The following PARD3B variants were observed in gnomAD, a reference collection of about 807,000 sequenced individuals.
The protein encoded by PARD3B is par-3 family cell polarity regulator beta, also known as partitioning defective 3 homolog B.
Under a neutral mutation model 130.2 loss-of-function variants are expected in PARD3B, and 103 were observed. The observed-to-expected ratio is 0.79, with a 90% CI of 0.67 to 0.93. The LOEUF is 0.93. Among genes scored for constraint, PARD3B ranks in the 40% least tolerant of loss-of-function variants. PARD3B has a pLI of 0.00. For synonymous variants in PARD3B, 583 were observed against 553.2 expected (o/e 1.05, Z -0.76); for missense variants, 1,609 against 1,499.2 (o/e 1.07, Z -1.21).
chr2:205,069,147 T>C (rs943337249), intron 4 of PARD3B, among the ~76,000 whole-genome samples: 1 of 152,256 alleles, frequency 6.6e-6, no homozygotes, highest in Non-Finnish European at 1.5e-5. Flanking sequence ...TTTCATTTTC[T>C]GAGGTTTTAT....
intron 11 of PARD3B, among the ~76,000 whole-genome samples, chr2:205,166,003 C>T (rs1337488804): frequency 3.3e-5 from 5 of 151,942 alleles, no homozygotes; most frequent in South Asian, 2.1e-4. Flanking sequence ...AGCTTAGGTT[C>T]GTGACTCTCT....
At chr2:205,051,236 T>C (rs1699169923) in intron 4 of PARD3B, among the ~76,000 whole-genome samples, 1 of 152,186 alleles carries the variant, frequency 6.6e-6, no homozygotes, top group Admixed American at 6.6e-5. Flanking sequence ...ACACCATTCT[T>C]GATTCCTATG....
chr2:204,602,252 G>A (rs2033541851), intron 1 of PARD3B, among the ~76,000 whole-genome samples: 1 of 152,004 alleles, frequency 6.6e-6, no homozygotes, highest in Non-Finnish European at 1.5e-5. Flanking sequence ...ACAAGTATCA[G>A]ATGTTTCATT....
At chr2:204,547,379 C>T (rs556332506) in intron 1 of PARD3B, among the ~76,000 whole-genome samples, 1 of 152,166 alleles carries the variant, frequency 6.6e-6, no homozygotes, top group East Asian at 1.9e-4. Flanking sequence ...AATATAACCC[C>T]TAAAGATGAA....
chr2:205,216,503 C>T (rs2037918747), intron 15 of PARD3B, among the ~76,000 whole-genome samples: 3 of 151,962 alleles, frequency 2.0e-5, no homozygotes, highest in Admixed American at 2.0e-4. Context: ...ATGTATTACA[C>T]ATATAATAAA....
intron 16 of PARD3B, among the ~76,000 whole-genome samples, chr2:205,282,891 C>T (rs932560466): frequency 2.0e-5 from 3 of 152,170 alleles, no homozygotes; most frequent in African/African-American, 7.2e-5. Context: ...CCAATCAGGT[C>T]TGTTTATGCA....
At chr2:204,961,263 A>G (rs977889488) in intron 2 of PARD3B, among the ~76,000 whole-genome samples, 1 of 152,150 alleles carries the variant, frequency 6.6e-6, no homozygotes, top group East Asian at 1.9e-4. Context: ...GGGTAGAAAC[A>G]AGGGAACTAG....
In PARD3B at chr2:205,309,435, G is replaced by C. The variant is rs979459766; in HGVS notation, c.2630+7734G>C. Among the ~76,000 whole-genome samples the C allele has an allele frequency of 2.6e-5, 4 of 152,218 alleles. No homozygotes were observed. Among genetic ancestry groups the C allele is most frequent in the African/African-American group, 9.6e-5 (4 of 41,552 alleles). On this transcript the variant is annotated intron_variant, in intron 18 of 22. Coordinates refer to ENST00000406610, the MANE Select transcript of PARD3B (RefSeq NM_001302769.2). The surrounding 1 kb of genome is among the most constrained non-coding windows in gnomAD (Gnocchi z 4.7). ...AACAATCTAGAGGCATCAACTTTTT[G>C]TTCCTAAGCCTTACAGATTTTAAGG...
At chr2:204,879,202 A>G (rs2045951613) in intron 2 of PARD3B, among the ~76,000 whole-genome samples, 1 of 152,136 alleles carries the variant, frequency 6.6e-6, no homozygotes, top group Admixed American at 6.5e-5. Flanking sequence ...CATTTTTGTT[A>G]CTGGACAGGG....
rs572066679 is a variant in PARD3B, at chr2:205,426,810, T to C, written c.2742-13560T>C. 2.4e-4 allele frequency among the ~76,000 whole-genome samples: 37 copies of C among 152,262 alleles called. No individual in the cohort carries two copies. In the South Asian group the frequency reaches 7.7e-3, roughly 32 times the overall value. On this transcript the variant is annotated intron_variant, in intron 19 of 22. Transcript: ENST00000406610. ...GAAAATATGAAACACTAATCAATAATCATTTAATGAATCATAAAATGCAAA... is the reference window on the plus strand; with the variant it reads ...GAAAATATGAAACACTAATCAATAACCATTTAATGAATCATAAAATGCAAA...
rs1300055583 is a variant in PARD3B at position 205,089,086 on chromosome 2, C to A, written c.505-15340C>A. ...AACGTGCTGGGATTACAAGCATGAA[C>A]CACCATGCCCGGCCTGCAGTGAGGC... On this transcript the variant is annotated intron_variant, in intron 4 of 22. Coordinates refer to ENST00000406610, the MANE Select transcript of PARD3B (RefSeq NM_001302769.2). 2.0e-5 allele frequency among the ~76,000 whole-genome samples: 3 copies of A among 151,806 alleles called. No homozygotes were observed. In the South Asian group the frequency reaches 6.3e-4, roughly 32 times the overall value.
In PARD3B at chr2:205,281,347, C is replaced by A. The variant is rs773932809; in HGVS notation, c.2186-19183C>A. Among the ~76,000 whole-genome samples the A allele has an allele frequency of 5.3e-5, 8 of 152,098 alleles. No homozygotes were observed. Among genetic ancestry groups the A allele is most frequent in the Non-Finnish European group, 8.8e-5 (6 of 68,018 alleles). ...CAGGTAATCATAGAGCAAGGTGGAG[C>A]CAGGGACCAACTCGAGTGACCCATC... On this transcript the variant is annotated intron_variant, in intron 16 of 22. Coordinates refer to ENST00000406610, the MANE Select transcript of PARD3B (RefSeq NM_001302769.2). This position sits in a 1 kb window ranked among gnomAD's most constrained non-coding sequence, Gnocchi z 4.2.
rs1182663864 is a variant in PARD3B at position 205,078,829 on chromosome 2, C to A, written c.505-25597C>A. Among the ~76,000 whole-genome samples, 1 of 152,172 alleles carries A rather than the reference C, an allele frequency of 6.6e-6. No individual in the cohort carries two copies. Among genetic ancestry groups the A allele is most frequent in the East Asian group, 1.9e-4 (1 of 5,194 alleles). Reference sequence around the variant, plus strand: ...AAGCCAGATGCCATGTAAGAAAGTCCATTTCTCTGAGTCCACTTTGCTAGA... The same window carrying A: ...AAGCCAGATGCCATGTAAGAAAGTCAATTTCTCTGAGTCCACTTTGCTAGA... On this transcript the variant is annotated intron_variant, in intron 4 of 22. Coordinates refer to ENST00000406610, the MANE Select transcript of PARD3B (RefSeq NM_001302769.2). The surrounding 1 kb of genome is among the most constrained non-coding windows in gnomAD (Gnocchi z 4.0).
intron 4 of PARD3B, among the ~76,000 whole-genome samples, chr2:205,056,165 T>C (rs953509351): frequency 2.0e-5 from 3 of 151,942 alleles, no homozygotes; most frequent in African/African-American, 7.2e-5. Flanking sequence ...AATTATTTCT[T>C]TGAGCATGGT....
intron 6 of PARD3B, 43 bp downstream of exon 6, chr2:205,113,620 C>A (rs1340134849): frequency 8.3e-7 from 1 of 1,207,252 alleles, no homozygotes; most frequent in Non-Finnish European, 1.2e-6. Context: ...CTAATGAAAA[C>A]CCTGATTTGA....
At chr2:204,701,151 G>A (rs550815292) in intron 2 of PARD3B, among the ~76,000 whole-genome samples, 2 of 152,178 alleles carry the variant, frequency 1.3e-5, no homozygotes, top group Admixed American at 6.5e-5. Context: ...TTTTCAATAT[G>A]TATTTGGCCC....
intron 20 of PARD3B, among the ~76,000 whole-genome samples, chr2:205,489,551 T>TATATACGTATATATATAC (rs1553524259): frequency 0.37 from 50,501 of 137,796 alleles, 10,244 homozygotes; most frequent in Admixed American, 0.49. Flanking sequence ...TATATATGTA[T>TATATACGTATATATATAC]ATATATACAT....
intron 1 of PARD3B, among the ~76,000 whole-genome samples, chr2:204,622,151 A>T (rs1170508392): frequency 6.6e-6 from 1 of 152,296 alleles, no homozygotes; most frequent in East Asian, 1.9e-4. Flanking sequence ...TTCTAATTAG[A>T]TAGACAGGAC....
intron 22 of PARD3B, among the ~76,000 whole-genome samples, chr2:205,582,620 C>T (rs2054029246): frequency 6.6e-6 from 1 of 150,792 alleles, no homozygotes; most frequent in African/African-American, 2.4e-5. Flanking sequence ...ATATTTTTGG[C>T]AGTGAAACAC....
Sources: allele counts gnomAD v4.1 joint callset (sites outside exome capture counted in the v4.1 genomes callset), GRCh38; gene constraint gnomAD v4.1.1; non-coding constraint Gnocchi (gnomAD v3.1); transcripts MANE v1.5; gene names NCBI Gene and HGNC (gene_info 2026-07-23, HGNC 2026-07-21).